The following SPTA1 variants were observed in gnomAD, a reference collection of about 807,000 sequenced individuals.
The protein encoded by SPTA1 is spectrin alpha, erythrocytic 1.
SPTA1 carries 177 observed loss-of-function variants against 324.7 expected under a neutral mutation model. The ratio of observed to expected loss-of-function variants is 0.55; its 90% CI spans 0.48 to 0.62. The LOEUF (loss-of-function observed/expected upper bound fraction) is 0.62, where lower values mean the gene tolerates loss of function less well. Among genes scored for constraint, SPTA1 ranks in the 20% least tolerant of loss-of-function variants. The pLI, the probability that SPTA1 is intolerant of heterozygous loss-of-function variation, is 0.00. For missense variants in SPTA1, 3,162 were observed against 2,883.6 expected, an observed-to-expected ratio of 1.10 and a Z score of -2.21; for synonymous variants, 1,195 against 1,041.3, an observed-to-expected ratio of 1.15 and a Z score of -2.84.
At chr1:158,620,598 A>G (rs1649845657) in intron 43 of SPTA1, 132 bp from the exon 44 acceptor site, 4 of 1,061,102 alleles carry the variant, frequency 3.8e-6, no homozygotes, top group Non-Finnish European at 5.5e-6. Context: ...CAGAACTAAA[A>G]CCAATAGGGA....
intron 19 of SPTA1, among the ~76,000 whole-genome samples, 185 bp downstream of exon 19, chr1:158,657,292 A>G (rs1024636901): frequency 1.3e-5 from 2 of 152,204 alleles, no homozygotes; most frequent in African/African-American, 4.8e-5. Flanking sequence ...AAAATGTAGC[A>G]TATCTTTTGG....
chr1:158,666,408 C>A lies in SPTA1; in HGVS notation c.2128G>T (p.Val710Phe), dbSNP rs1240200484. 2 of 1,613,824 alleles carry A rather than the reference C, an allele frequency of 1.2e-6. No individual in the cohort carries two copies. Among genetic ancestry groups the A allele is most frequent in the Admixed American group, 3.3e-5 (2 of 59,976 alleles). Residue 710 changes from valine (V) to phenylalanine (F), a missense_variant, in exon 16 of 52, where the codon GTC becomes TTC. Physicochemically the swap from Val to Phe is conservative, Grantham distance 50. Transcript: ENST00000643759. The stretch of plus-strand genomic sequence containing the variant: ...CCTTTCCCATAATCCTCAGAGGTGA[C>A]TTGCCACTCAACATCCTCCAGCCAG... The part of the protein sequence containing the change: ...QRWLEDVEWQ[V>F]TSEDYGKGLA...
chr1:158,633,958 C>A (rs746819450), intron 39 of SPTA1, among the ~76,000 whole-genome samples: 1 of 152,104 alleles, frequency 6.6e-6, no homozygotes, highest in Non-Finnish European at 1.5e-5. Flanking sequence ...GGCACAGTTT[C>A]CAAAGTCCTA....
intron 43 of SPTA1, among the ~76,000 whole-genome samples, chr1:158,621,486 A>C (rs534571356): frequency 6.6e-6 from 1 of 152,348 alleles, no homozygotes; most frequent in East Asian, 1.9e-4. Flanking sequence ...ACAGAAACCT[A>C]TAAAGTATTT....
chr1:158,613,707 A>T lies in SPTA1; in HGVS notation c.6989+14T>A. ...CCATCCCTGCTGCGGTCTGACCCTT[A>T]GTCTTGTTCCTACCTCCCTGGATCC... On this transcript the variant is annotated intron_variant, in intron 50 of 51. Coordinates refer to ENST00000643759, the MANE Select transcript of SPTA1 (RefSeq NM_003126.4). 6.2e-7 allele frequency: 1 copy of T among 1,613,570 alleles called. No homozygotes were observed. Among genetic ancestry groups the T allele is most frequent in the South Asian group, 1.1e-5 (1 of 91,058 alleles).
chr1:158,676,358 T>C (rs1281297256), intron 7 of SPTA1, 63 bp from the exon 8 acceptor site: 3 of 1,575,708 alleles, frequency 1.9e-6, no homozygotes, highest in Non-Finnish European at 2.6e-6. Flanking sequence ...TGGCAAAGCT[T>C]TGTGGGAGAG....
intron 37 of SPTA1, among the ~76,000 whole-genome samples, 186 bp downstream of exon 37, chr1:158,636,455 C>G (rs1651075875): frequency 6.6e-6 from 1 of 152,116 alleles, no homozygotes; most frequent in African/African-American, 2.4e-5. Context: ...GGTTCTTGTT[C>G]AGAACTCTTC....
In SPTA1 at chr1:158,652,509, A is replaced by G. The variant is rs767718631; in HGVS notation, c.3333T>C (p.Asp1111=). 11 of 1,614,042 alleles carry G rather than the reference A, an allele frequency of 6.8e-6. No homozygotes were observed. Among genetic ancestry groups the G allele is most frequent in the Non-Finnish European group, 6.8e-6 (8 of 1,180,024 alleles). The part of the protein sequence containing the change: ...KKAENTGVEL[D]DVWELQKKFD... Reference sequence around the variant, plus strand: ...ACTTTTTCTGCAGCTCCCAAACATCATCTAGTTCCACTCCAGTGTTTTCTG... The same window carrying G: ...ACTTTTTCTGCAGCTCCCAAACATCGTCTAGTTCCACTCCAGTGTTTTCTG... Residue 1111 remains aspartate (D), a synonymous_variant, in exon 23 of 52, where the codon GAT becomes GAC. Coordinates refer to ENST00000643759, the MANE Select transcript of SPTA1 (RefSeq NM_003126.4).
chr1:158,613,433 G>A (rs1649373950), intron 50 of SPTA1, among the ~76,000 whole-genome samples: 1 of 151,904 alleles, frequency 6.6e-6, no homozygotes, highest in Non-Finnish European at 1.5e-5. Context: ...CATACATGAA[G>A]GGATTCTTCT....
At chr1:158,668,164 A>C in intron 14 of SPTA1, 102 bp from the exon 15 acceptor site, 1 of 1,282,452 alleles carries the variant, frequency 7.8e-7, no homozygotes, top group South Asian at 1.3e-5. Flanking sequence ...CTAACGAACG[A>C]TGCTAACAAG....
chr1:158,676,693 A>G (rs1468388595), intron 7 of SPTA1, among the ~76,000 whole-genome samples: 1 of 152,102 alleles, frequency 6.6e-6, no homozygotes, highest in Non-Finnish European at 1.5e-5. Context: ...ATTTCCCTAA[A>G]TATTACTGTG....
intron 3 of SPTA1, among the ~76,000 whole-genome samples, chr1:158,682,728 A>G (rs555178583): frequency 3.9e-4 from 59 of 152,338 alleles, no homozygotes; most frequent in Non-Finnish European, 8.1e-4. Flanking sequence ...TAGCACAAAC[A>G]TTTGGAAGAG....
At position 158,654,740 on chromosome 1, in the gene SPTA1, C is replaced by T; in HGVS notation, c.2907G>A (p.Gln969=). Residue 969 remains glutamine, a synonymous_variant, in exon 21 of 52, where the codon CAG becomes CAA. Coordinates refer to ENST00000643759, the MANE Select transcript of SPTA1 (RefSeq NM_003126.4). ...CAGCAACTCCCTCCACTGGTGCAGC[C>T]TGTTGTTGCTGAATAAAAACAGGAA... ...RNQANACQQQ[Q]AAPVEGVAGE... The T allele has an allele frequency of 9.3e-6, 15 of 1,613,630 alleles. No homozygotes were observed. Among genetic ancestry groups the T allele is most frequent in the Non-Finnish European group, 1.3e-5 (15 of 1,179,950 alleles).
chr1:158,647,509 C>T (rs1285232351), intron 27 of SPTA1, 30 bp downstream of exon 27: 1 of 1,611,974 alleles, frequency 6.2e-7, no homozygotes, highest in African/African-American at 1.3e-5. Context: ...ACTTAGAGGC[C>T]AGACACGGAA....
At chr1:158,669,891 G>T in intron 12 of SPTA1, 105 bp from the exon 13 acceptor site, 1 of 1,139,918 alleles carries the variant, frequency 8.8e-7, no homozygotes, top group Non-Finnish European at 1.3e-6. Context: ...AATGTGGGAG[G>T]AGAAGTTTGA....
At chr1:158,627,162 ATC>A (rs1164473750) in intron 40 of SPTA1, among the ~76,000 whole-genome samples, 155 bp from the exon 41 acceptor site, 4 of 152,166 alleles carry the variant, frequency 2.6e-5, no homozygotes, top group Non-Finnish European at 4.4e-5. Flanking sequence ...GTAGGGAGTC[ATC>A]TCTGTTTAAT....
chr1:158,648,761 C>T (rs1652192408), intron 25 of SPTA1, 108 bp from the exon 26 acceptor site: 1 of 1,099,252 alleles, frequency 9.1e-7, no homozygotes, highest in East Asian at 2.7e-5. Flanking sequence ...TCCTCCCACC[C>T]ACCCCCCCAC....
At position 158,626,164 on chromosome 1, in the gene SPTA1, G is replaced by T; in HGVS notation, c.5892C>A (p.Leu1964=). 1 of 1,613,776 alleles carries T rather than the reference G, an allele frequency of 6.2e-7. No individual in the cohort carries two copies. The highest frequency in any genetic ancestry group is 2.2e-5 in the East Asian group (1 of 44,854). The change falls in exon 42 of 52, where the codon CTC becomes CTA. Residue 1964 remains leucine, a synonymous_variant. Coordinates refer to ENST00000643759, the MANE Select transcript of SPTA1 (RefSeq NM_003126.4). ...ATCTCACCTGTTTTGCCAGAAGAGT[G>T]AGGAAGTCACCAAGGTCTGCACCAT... ...NGNGADLGDF[L]TLLAKQDTLD...
chr1:158,651,676 A>G (rs1652447190), intron 23 of SPTA1, among the ~76,000 whole-genome samples: 1 of 152,120 alleles, frequency 6.6e-6, no homozygotes, highest in African/African-American at 2.4e-5. Context: ...CAAGATAACT[A>G]TTATTTATCT....
Sources: allele counts gnomAD v4.1 joint callset (sites outside exome capture counted in the v4.1 genomes callset), GRCh38; gene constraint gnomAD v4.1.1; transcripts MANE v1.5; gene names NCBI Gene and HGNC (gene_info 2026-07-23, HGNC 2026-07-21).